The following ZC3H12C variants were observed in gnomAD, a reference collection of about 807,000 sequenced individuals.
ZC3H12C encodes the protein zinc finger CCCH-type containing 12C, also known as probable ribonuclease ZC3H12C.
Under a neutral mutation model 76.3 loss-of-function variants are expected in ZC3H12C, and 20 were observed. That is an observed-to-expected ratio of 0.26 (90% CI 0.18 to 0.38). The LOEUF is 0.38. ZC3H12C is among the 10% of genes least tolerant of loss of function. ZC3H12C has a pLI of 1.00. For synonymous variants in ZC3H12C, 352 were observed against 399.6 expected (o/e 0.88, Z 1.42); for missense variants, 874 against 1,086.5 (o/e 0.80, Z 2.75).
intron 2 of ZC3H12C, among the ~76,000 whole-genome samples, chr11:110,141,926 A>G (rs1156779795): frequency 2.0e-5 from 3 of 152,192 alleles, no homozygotes; most frequent in Admixed American, 6.5e-5. Flanking sequence ...AAAACTATAT[A>G]TGTGACTCAC....
chr11:110,093,509 C>T (rs1285192358), intron 1 of ZC3H12C, 77 bp downstream of exon 1: 4 of 1,076,330 alleles, frequency 3.7e-6, no homozygotes, highest in Middle Eastern at 3.5e-4. Context: ...TGGGGAGGGC[C>T]GCGGGGCCGC....
In ZC3H12C at chr11:110,165,197, G is replaced by T. The variant is rs749508583; in HGVS notation, c.2112G>T (p.Pro704=). 6.2e-7 allele frequency: 1 copy of T among 1,613,758 alleles called. No homozygotes were observed. ...AGTTCCATCACAAGCCTCCTCTTCC[G>T]CACCTGGCTCTGCACCTGCCGCACT... is the stretch of plus-strand genomic sequence containing the variant. The part of the protein sequence containing the change: ...EPKFHHKPPL[P]HLALHLPHSA... The change falls in exon 6 of 6, where the codon CCG becomes CCT. Residue 704 remains proline (P), a synonymous_variant. Coordinates refer to ENST00000278590, the MANE Select transcript of ZC3H12C (RefSeq NM_033390.2).
Position 110,136,659 on chromosome 11 carries a change from C to G in ZC3H12C, c.22-4C>G, listed in dbSNP as rs1861964753. On this transcript the variant is annotated splice_region_variant and splice_polypyrimidine_tract_variant and intron_variant, in intron 1 of 5. Coordinates refer to ENST00000278590, the MANE Select transcript of ZC3H12C (RefSeq NM_033390.2). ...AATTCTAAATATTTTACATTTTTCT[C>G]TAGGAATACGGGGTGCTTTGCATTC... The G allele has an allele frequency of 6.2e-7, 1 of 1,600,532 alleles. No individual in the cohort carries two copies. Among genetic ancestry groups the G allele is most frequent in the South Asian group, 1.1e-5 (1 of 88,654 alleles).
chr11:110,152,828 A>G (rs887249792), intron 2 of ZC3H12C, 91 bp from the exon 3 acceptor site: 35 of 1,409,218 alleles, frequency 2.5e-5, no homozygotes, highest in Non-Finnish European at 3.1e-5. Context: ...TTACTGTTGT[A>G]ACTATGTAAT....
At chr11:110,146,825 C>A (rs1019007549) in intron 2 of ZC3H12C, among the ~76,000 whole-genome samples, 1 of 152,164 alleles carries the variant, frequency 6.6e-6, no homozygotes, top group East Asian at 1.9e-4. Context: ...CATACCTTTT[C>A]TTTTACCTAC....
At chr11:110,138,849 A>G (rs1203907676) in intron 2 of ZC3H12C, among the ~76,000 whole-genome samples, 2 of 151,768 alleles carry the variant, frequency 1.3e-5, no homozygotes, top group African/African-American at 4.8e-5. Context: ...ATGAGCCACC[A>G]CTCCTGGCCT....
rs1481041402 is a variant in ZC3H12C at position 110,169,140 on chromosome 11, G to T, written c.*3403G>T. ...TGGTTTTATTCTTGGTATTTTCAAA[G>T]AATTATTTTGATATTTTTAATAGAA... is the stretch of plus-strand genomic sequence containing the variant. On this transcript the variant is annotated 3_prime_UTR_variant, in exon 6 of 6. Transcript: ENST00000278590. 1 of 151,934 alleles carries T rather than the reference G, an allele frequency of 6.6e-6. No homozygotes were observed. The highest frequency in any genetic ancestry group is 2.4e-5 in the African/African-American group (1 of 41,384). The allele number at this position is 151,934 out of a possible 1,614,324, so 9.4% of individuals were successfully genotyped here.
chr11:110,153,128 C>T, intron 3 of ZC3H12C, 70 bp downstream of exon 3: 1 of 1,531,762 alleles, frequency 6.5e-7, no homozygotes, highest in African/African-American at 1.4e-5. Context: ...CTGACACTGT[C>T]AGGTATCCTA....
At position 110,166,820 on chromosome 11, in the gene ZC3H12C, T is replaced by C. The variant is rs1441252406; in HGVS notation, c.*1083T>C. On this transcript the variant is annotated 3_prime_UTR_variant, in exon 6 of 6. Transcript: ENST00000278590. The stretch of plus-strand genomic sequence containing the variant: ...TGCAACATTTCTTGATACTGCACTA[T>C]AGAGAAATGGTGATGGAGGAGTTGT... 1 of 152,196 alleles carries C rather than the reference T, an allele frequency of 6.6e-6. No homozygotes were observed. Among genetic ancestry groups the C allele is most frequent in the African/African-American group, 2.4e-5 (1 of 41,460 alleles). The allele number at this position is 152,196 out of a possible 1,614,324, so 9.4% of individuals were successfully genotyped here. A position where few individuals can be genotyped will look rare whatever the true frequency, so the allele number is the denominator to read the frequency against.
chr11:110,096,775 G>T (rs1174353806), intron 1 of ZC3H12C, among the ~76,000 whole-genome samples: 1 of 152,186 alleles, frequency 6.6e-6, no homozygotes, highest in African/African-American at 2.4e-5. Flanking sequence ...TGCATAGTAC[G>T]ACAGTAGTAG....
chr11:110,152,896 A>T (rs749975861), intron 2 of ZC3H12C, 23 bp from the exon 3 acceptor site: 2 of 1,605,400 alleles, frequency 1.2e-6, no homozygotes, highest in African/African-American at 2.7e-5. Flanking sequence ...TTGTGTTTTA[A>T]GTGTTCCGTA....
chr11:110,137,342 T>A lies in ZC3H12C; in HGVS notation c.701T>A (p.Met234Lys). The A allele has an allele frequency of 6.2e-7, 1 of 1,613,854 alleles. No individual in the cohort carries two copies. The highest frequency in any genetic ancestry group is 8.5e-7 in the Non-Finnish European group (1 of 1,179,846). The change falls in exon 2 of 6, where the codon ATG becomes AAG. Residue 234 changes from methionine (M) to lysine (K), a missense_variant. Physicochemically the swap from Met to Lys is moderately conservative, Grantham distance 95 (BLOSUM62 -1). Around this residue, in one of 3 missense-constraint regions of ZC3H12C, gnomAD observed 269 missense variants for 424.9 expected, o/e 0.63. Transcript: ENST00000278590. ...SLESQRSESP[M>K]QEIVTDDGEN... is the part of the protein sequence containing the mutation. Reference sequence around the variant, plus strand: ...GAATCTCAGAGGTCTGAATCTCCAATGCAAGAGATTGTAACAGATGATGGT... The same window carrying A: ...GAATCTCAGAGGTCTGAATCTCCAAAGCAAGAGATTGTAACAGATGATGGT...
intron 1 of ZC3H12C, among the ~76,000 whole-genome samples, chr11:110,117,603 C>CT: frequency 6.8e-6 from 1 of 147,950 alleles, no homozygotes; most frequent in East Asian, 1.9e-4. Flanking sequence ...ATTGAGGAAA[C>CT]TAAGGCATGG....
At chr11:110,122,890 A>AT (rs1861675318) in intron 1 of ZC3H12C, among the ~76,000 whole-genome samples, 2 of 152,110 alleles carry the variant, frequency 1.3e-5, no homozygotes, top group Admixed American at 1.3e-4. Context: ...TCTATACTAC[A>AT]TTTTTTCATT....
rs200952777 is a variant in ZC3H12C, at chr11:110,136,767, C to T, written c.126C>T (p.Leu42=). The change falls in exon 2 of 6, where the codon CTC becomes CTT. Residue 42 remains leucine, a synonymous_variant. Transcript: ENST00000278590. ...MGLKDHLGHD[L]GHLYVESTDP... ...TGAAGGATCACCTAGGGCATGACCT[C>T]GGCCACCTTTATGTGGAGAGCACTG... 64 of 1,613,936 alleles carry T rather than the reference C, an allele frequency of 4.0e-5. No homozygotes were observed. In the African/African-American group the frequency reaches 4.8e-4, roughly 12 times the overall value.
intron 1 of ZC3H12C, among the ~76,000 whole-genome samples, chr11:110,095,570 C>T (rs1184837488): frequency 6.6e-6 from 1 of 152,190 alleles, no homozygotes; most frequent in African/African-American, 2.4e-5. Flanking sequence ...TGCTTCTGTT[C>T]TCTCTGCAAA....
chr11:110,117,748 ATATT>A (rs1861558776), intron 1 of ZC3H12C, among the ~76,000 whole-genome samples: 1 of 106,586 alleles, frequency 9.4e-6, no homozygotes, highest in Non-Finnish European at 1.9e-5. Flanking sequence ...ACACATATAT[ATATT>A]ATATATACAC....
chr11:110,125,921 C>G (rs616436), intron 1 of ZC3H12C, among the ~76,000 whole-genome samples: 107,658 of 151,966 alleles, frequency 0.71, 38,450 homozygotes, highest in East Asian at 0.89. Flanking sequence ...AGTCTAGAAG[C>G]TCTGCAAATG....
chr11:110,139,865 T>C (rs1862037481), intron 2 of ZC3H12C, among the ~76,000 whole-genome samples: 1 of 123,128 alleles, frequency 8.1e-6, no homozygotes, highest in African/African-American at 3.0e-5. Flanking sequence ...AATTCATATA[T>C]TTTCTTTTTT....
Sources: gnomAD v4.1 joint callset for allele counts (sites outside exome capture counted in the v4.1 genomes callset) on GRCh38, gnomAD v4.1.1 for gene constraint, gnomAD v4.1.1 regional missense constraint, MANE v1.5 for transcripts, NCBI Gene and HGNC (gene_info 2026-07-23, HGNC 2026-07-21) for gene names.